Variants in SPIRE1 observed in about 807,000 individuals in gnomAD.
SPIRE1 encodes spire type actin nucleation factor 1.
Under a neutral mutation model 94.1 loss-of-function variants are expected in SPIRE1, and 40 were observed. That is an observed-to-expected ratio of 0.43 (90% confidence interval 0.33 to 0.55). The LOEUF (loss-of-function observed/expected upper bound fraction) is 0.55, where lower values mean the gene tolerates loss of function less well. Among genes scored for constraint, SPIRE1 ranks in the 20% least tolerant of loss-of-function variants. SPIRE1 has a pLI of 0.06. For synonymous variants in SPIRE1, 376 were observed against 371.7 expected (o/e 1.01, Z -0.13); for missense variants, 838 against 975.2 (o/e 0.86, Z 1.87).
At chr18:12,520,108 A>G (rs572458073) in intron 4 of SPIRE1, among the ~76,000 whole-genome samples, 18 of 152,348 alleles carry the variant, frequency 1.2e-4, no homozygotes, top group Non-Finnish European at 2.1e-4. Context: ...CAGATGTGAA[A>G]GCTATTTACT....
At chr18:12,604,519 A>C (rs1043897231) in intron 2 of SPIRE1, among the ~76,000 whole-genome samples, 1 of 152,210 alleles carries the variant, frequency 6.6e-6, no homozygotes, top group Admixed American at 6.5e-5. Context: ...TATGATCTGC[A>C]AATAGAAAAG....
intron 10 of SPIRE1, among the ~76,000 whole-genome samples, chr18:12,465,171 G>C (rs1479723586): frequency 6.6e-6 from 1 of 152,052 alleles, no homozygotes; most frequent in Non-Finnish European, 1.5e-5. Context: ...ATGTGAAACT[G>C]AGCATGCTTC....
At chr18:12,623,577 TTTTA>T (rs1317721607) in intron 2 of SPIRE1, among the ~76,000 whole-genome samples, 13 of 152,216 alleles carry the variant, frequency 8.5e-5, no homozygotes, top group Admixed American at 8.5e-4. Context: ...ACTGGTTTTA[TTTTA>T]TTTAAATCAT....
chr18:12,523,329 GT>G (rs1371282674), intron 4 of SPIRE1, among the ~76,000 whole-genome samples: 1 of 152,184 alleles, frequency 6.6e-6, no homozygotes, highest in Non-Finnish European at 1.5e-5. Context: ...AAGGAAAGTA[GT>G]TTACTGACAT....
intron 9 of SPIRE1, among the ~76,000 whole-genome samples, chr18:12,482,035 A>G (rs1277872462): frequency 6.6e-6 from 1 of 152,160 alleles, no homozygotes; most frequent in African/African-American, 2.4e-5. Context: ...AGAGAAACAC[A>G]ACCAGCTTCT....
At position 12,559,331 on chromosome 18, in the gene SPIRE1, G is replaced by C. The variant is rs542606774; in HGVS notation, c.373-12427C>G. On this transcript the variant is annotated intron_variant, in intron 2 of 16. Transcript: ENST00000409402. This position sits in a 1 kb window ranked among gnomAD's most constrained non-coding sequence, Gnocchi z 4.7. ...CGCACCCTCCACAGCTGCTGGCGCG[G>C]GTGCTAAGCCTCTCATTGCCCGGGC... Among the ~76,000 whole-genome samples the C allele has an allele frequency of 2.0e-5, 3 of 152,292 alleles. No homozygotes were observed. Among genetic ancestry groups the C allele is most frequent in the South Asian group, 2.1e-4 (1 of 4,830 alleles).
intron 4 of SPIRE1, among the ~76,000 whole-genome samples, 164 bp downstream of exon 4, chr18:12,535,312 G>A (rs1338411060): frequency 6.6e-6 from 1 of 152,136 alleles, no homozygotes; most frequent in South Asian, 2.1e-4. Context: ...TTTTACCTAA[G>A]TTGCTTCTTT....
At chr18:12,450,024 TA>T (rs1182729504) in intron 16 of SPIRE1, 128 bp from the exon 17 acceptor site, 2 of 977,388 alleles carry the variant, frequency 2.0e-6, no homozygotes, top group Non-Finnish European at 2.9e-6. Flanking sequence ...GATTTAATCA[TA>T]TGTCCTTCTA....
chr18:12,590,253 C>CA (rs1356561414), intron 2 of SPIRE1, among the ~76,000 whole-genome samples: 1 of 151,980 alleles, frequency 6.6e-6, no homozygotes, highest in Non-Finnish European at 1.5e-5. Context: ...ACGCCTGGCT[C>CA]ATTTTTTTGT....
At chr18:12,504,294 G>A (rs1271287508) in intron 6 of SPIRE1, among the ~76,000 whole-genome samples, 1 of 146,486 alleles carries the variant, frequency 6.8e-6, no homozygotes, top group Admixed American at 6.7e-5. Context: ...ATCACCTAAG[G>A]TCAGGAGTTC....
intron 9 of SPIRE1, among the ~76,000 whole-genome samples, chr18:12,480,312 A>C (rs183829945): frequency 2.6e-4 from 39 of 152,338 alleles, no homozygotes; most frequent in Admixed American, 9.2e-4. Flanking sequence ...ATCTATATTC[A>C]TATAAACATA....
intron 2 of SPIRE1, 60 bp from the exon 3 acceptor site, chr18:12,546,964 G>GT: frequency 8.6e-7 from 1 of 1,160,770 alleles, no homozygotes; most frequent in Non-Finnish European, 1.2e-6. Context: ...AGGACTAATT[G>GT]TGAGGCATAA....
chr18:12,603,733 C>T (rs28876145), intron 2 of SPIRE1, among the ~76,000 whole-genome samples: 3,088 of 152,102 alleles, frequency 0.02, 126 homozygotes, highest in African/African-American at 0.071. Context: ...CGACACCACG[C>T]CTGGCTAATT....
intron 1 of SPIRE1, among the ~76,000 whole-genome samples, chr18:12,641,509 C>T (rs1211015577): frequency 6.6e-6 from 1 of 152,038 alleles, no homozygotes; most frequent in Non-Finnish European, 1.5e-5. Flanking sequence ...GCTGGGACTA[C>T]AGGCACACAC....
intron 2 of SPIRE1, among the ~76,000 whole-genome samples, chr18:12,610,965 C>G (rs1438480479): frequency 6.6e-6 from 1 of 151,750 alleles, no homozygotes; most frequent in East Asian, 1.9e-4. Flanking sequence ...TCATCCTGTG[C>G]AAAGCCGAGT....
At chr18:12,601,995 C>T (rs966759774) in intron 2 of SPIRE1, among the ~76,000 whole-genome samples, 3 of 152,114 alleles carry the variant, frequency 2.0e-5, no homozygotes, top group Admixed American at 1.3e-4. Context: ...GAAACAAAGA[C>T]GTGGGTGACT....
intron 1 of SPIRE1, among the ~76,000 whole-genome samples, chr18:12,642,295 A>T (rs944584302): frequency 1.3e-5 from 2 of 152,158 alleles, no homozygotes; most frequent in Non-Finnish European, 2.9e-5. Flanking sequence ...TCAGCCTTCA[A>T]TCACCTTTGC....
intron 1 of SPIRE1, chr18:12,652,970 G>A (rs1025750226): frequency 1.3e-5 from 2 of 152,184 alleles, no homozygotes; most frequent in Non-Finnish European, 2.9e-5. Flanking sequence ...CAACAACAGA[G>A]TGACAATGGC....
At chr18:12,561,510 C>T (rs2035684784) in intron 2 of SPIRE1, among the ~76,000 whole-genome samples, 3 of 152,176 alleles carry the variant, frequency 2.0e-5, no homozygotes, top group Non-Finnish European at 4.4e-5. Context: ...AGGTGATCCG[C>T]CCGCCTTGGC....
Sources: gnomAD v4.1 joint callset for allele counts (sites outside exome capture counted in the v4.1 genomes callset) on GRCh38, gnomAD v4.1.1 for gene constraint, Gnocchi (gnomAD v3.1) non-coding constraint, MANE v1.5 for transcripts, NCBI Gene and HGNC (gene_info 2026-07-23, HGNC 2026-07-21) for gene names.